Variants in RBFOX1 observed in about 807,000 individuals in gnomAD.
The protein encoded by RBFOX1 is RNA binding protein fox-1 homolog 1.
A neutral mutation model predicts 57.7 loss-of-function variants in RBFOX1; 8 were observed. That is an observed-to-expected ratio of 0.14 (90% CI 0.08 to 0.25). The LOEUF (loss-of-function observed/expected upper bound fraction) is 0.25. Among genes scored for constraint, RBFOX1 ranks in the 10% least tolerant of loss-of-function variants. The pLI is 1.00. For missense variants in RBFOX1, 611 were observed against 548.5 expected (o/e 1.11, Z -1.14); for synonymous variants, 326 against 222.4 (o/e 1.47, Z -4.15).
chr16:7,341,818 C>CCTTCCTTA (rs2096902991), intron 4 of RBFOX1, among the ~76,000 whole-genome samples: 1 of 126,008 alleles, frequency 7.9e-6, no homozygotes, highest in Non-Finnish European at 1.7e-5. Flanking sequence ...TTCCTTCCTT[C>CCTTCCTTA]CTTCCTTCCT....
At chr16:5,594,633 TC>T (rs2047120902) in intron 2 of RBFOX1, among the ~76,000 whole-genome samples, 1 of 152,038 alleles carries the variant, frequency 6.6e-6, no homozygotes, top group East Asian at 1.9e-4. Flanking sequence ...ATGGTTTCAT[TC>T]TTTTGAGTTT....
intron 3 of RBFOX1, among the ~76,000 whole-genome samples, chr16:7,015,336 G>A (rs772313701): frequency 6.6e-6 from 1 of 151,998 alleles, no homozygotes; most frequent in Non-Finnish European, 1.5e-5. Flanking sequence ...TAGATCTGGA[G>A]CTTGGCTTCT....
Position 5,699,170 on chromosome 16 carries a change from T to G in RBFOX1, c.318+100209T>G, listed in dbSNP as rs113112195. On this transcript the variant is annotated intron_variant, in intron 3 of 19. Coordinates refer to the RBFOX1 transcript ENST00000641259. ...ACCCAGCTAATTTTTGTATTTTTAGTAGAGATGAGGTTTCACCATATTGGC... is the reference window on the plus strand; with the variant it reads ...ACCCAGCTAATTTTTGTATTTTTAGGAGAGATGAGGTTTCACCATATTGGC... Among the ~76,000 whole-genome samples, 645 of 152,108 alleles carry G rather than the reference T, an allele frequency of 4.2e-3. 2 individuals carry two copies. Among genetic ancestry groups the G allele is most frequent in the African/African-American group, 0.015 (613 of 41,496 alleles).
At chr16:6,844,142 C>G (rs1438956911) in intron 3 of RBFOX1, among the ~76,000 whole-genome samples, 1 of 152,154 alleles carries the variant, frequency 6.6e-6, no homozygotes, top group Non-Finnish European at 1.5e-5. Flanking sequence ...CTCTCTCCAT[C>G]ATTACCCCTA....
At chr16:6,036,204 C>T (rs2095363125) in intron 1 of RBFOX1, among the ~76,000 whole-genome samples, 1 of 152,178 alleles carries the variant, frequency 6.6e-6, no homozygotes, top group Non-Finnish European at 1.5e-5. Flanking sequence ...GGAACTGTGT[C>T]ACTTCTCAGC....
chr16:6,946,052 G>C (rs1206294516), intron 3 of RBFOX1, among the ~76,000 whole-genome samples: 3 of 152,192 alleles, frequency 2.0e-5, no homozygotes, highest in Admixed American at 6.5e-5. Flanking sequence ...GGAAATGTGA[G>C]GGAATTAAAG....
At chr16:6,977,364 C>T (rs2087306660) in intron 3 of RBFOX1, among the ~76,000 whole-genome samples, 1 of 151,922 alleles carries the variant, frequency 6.6e-6, no homozygotes, top group Non-Finnish European at 1.5e-5. Context: ...TGCCTTTGTT[C>T]TCTAGATACC....
chr16:6,484,044 C>G, intron 2 of RBFOX1: 1 of 596,880 alleles, frequency 1.7e-6, no homozygotes, highest in Non-Finnish European at 2.1e-6. Context: ...TTGGGGAGCC[C>G]GGAGATGCAT....
At chr16:6,885,610 C>A (rs957043416) in intron 3 of RBFOX1, among the ~76,000 whole-genome samples, 2 of 152,028 alleles carry the variant, frequency 1.3e-5, no homozygotes, top group African/African-American at 4.8e-5. Flanking sequence ...CGGCTCACTG[C>A]CACCTCTGCC....
At chr16:7,256,497 C>G (rs1223671660) in intron 4 of RBFOX1, among the ~76,000 whole-genome samples, 1 of 152,066 alleles carries the variant, frequency 6.6e-6, no homozygotes, top group African/African-American at 2.4e-5. Context: ...ACCTTTTTTC[C>G]CTTCCTAATC....
intron 2 of RBFOX1, among the ~76,000 whole-genome samples, chr16:6,415,203 A>G (rs1245962373): frequency 6.9e-6 from 1 of 143,930 alleles, no homozygotes; most frequent in Non-Finnish European, 1.5e-5. Flanking sequence ...AGACCATGCT[A>G]TTCACTCTAG....
At chr16:5,795,198 T>G (rs192115786) in intron 3 of RBFOX1, among the ~76,000 whole-genome samples, 131 of 152,350 alleles carry the variant, frequency 8.6e-4, no homozygotes, top group Middle Eastern at 3.4e-3. Context: ...GAAATGATTC[T>G]ACGTCAGTTT....
intron 3 of RBFOX1, among the ~76,000 whole-genome samples, chr16:6,663,540 G>C (rs958374929): frequency 6.6e-6 from 1 of 152,160 alleles, no homozygotes; most frequent in Non-Finnish European, 1.5e-5. Flanking sequence ...TTCTAGAATG[G>C]GGAGTATTCA....
rs189737121 is a variant in RBFOX1 at position 7,504,671 on chromosome 16, G to C, written c.28-13476G>C. On this transcript the variant is annotated intron_variant, in intron 4 of 15. Coordinates refer to ENST00000550418, the MANE Select transcript of RBFOX1 (RefSeq NM_018723.4). ...TCTGTGAAGTGGGTGTGCTGAAAATGAGTTTATTACTCTAGCTCCTGTGGA... is the reference window on the plus strand; with the variant it reads ...TCTGTGAAGTGGGTGTGCTGAAAATCAGTTTATTACTCTAGCTCCTGTGGA... 2.2e-5 allele frequency among the ~76,000 whole-genome samples: 3 copies of C among 135,092 alleles called. No individual in the cohort carries two copies. In the Admixed American group the frequency reaches 2.3e-4, roughly 10 times the overall value. 88.6% of individuals were successfully genotyped at this position (135,092 alleles called of 152,430 possible).
chr16:7,218,559 GT>G (rs1325474194), intron 4 of RBFOX1, among the ~76,000 whole-genome samples: 2 of 151,094 alleles, frequency 1.3e-5, no homozygotes, highest in Non-Finnish European at 2.9e-5. Context: ...TGAGAAAGAG[GT>G]AAAAAGTTTT....
intron 1 of RBFOX1, among the ~76,000 whole-genome samples, chr16:5,371,108 C>G (rs544648769): frequency 6.6e-6 from 1 of 152,122 alleles, no homozygotes; most frequent in Non-Finnish European, 1.5e-5. Flanking sequence ...CCATCACGCC[C>G]GGCTAATTTT....
intron 3 of RBFOX1, among the ~76,000 whole-genome samples, chr16:5,841,507 C>G (rs547859125): frequency 6.6e-6 from 1 of 152,306 alleles, no homozygotes; most frequent in South Asian, 2.1e-4. Flanking sequence ...AAGTAAAATA[C>G]AGGGTGCCCA....
intron 1 of RBFOX1, among the ~76,000 whole-genome samples, chr16:5,287,163 A>C (rs1405655172): frequency 6.6e-6 from 1 of 152,068 alleles, no homozygotes; most frequent in Non-Finnish European, 1.5e-5. Context: ...AAATTAGCTA[A>C]GCATGGTGGC....
chr16:6,959,470 G>A (rs2082505791), intron 3 of RBFOX1, among the ~76,000 whole-genome samples: 1 of 152,114 alleles, frequency 6.6e-6, no homozygotes, highest in Admixed American at 6.6e-5. Flanking sequence ...TTGTTTCTAG[G>A]CCTGATCTCA....
Sources: gnomAD v4.1 joint callset for allele counts (sites outside exome capture counted in the v4.1 genomes callset) on GRCh38, gnomAD v4.1.1 for gene constraint, MANE v1.5 for transcripts, NCBI Gene and HGNC (gene_info 2026-07-23, HGNC 2026-07-21) for gene names.